PCDHGA10: variants seen among roughly 807,000 people sequenced by gnomAD.
PCDHGA10 encodes the protein protocadherin gamma subfamily A, 10, also known as protocadherin gamma-A10.
In PCDHGA10, 42 loss-of-function variants were observed where a neutral mutation model predicts 59.5. That is an observed-to-expected ratio of 0.71 (90% confidence interval 0.55 to 0.91). The LOEUF is 0.91. Among genes scored for constraint, PCDHGA10 ranks in the 40% least tolerant of loss-of-function variants. The pLI is 0.00. For missense variants in PCDHGA10, 1,111 were observed against 1,198.2 expected (o/e 0.93, Z 1.07); for synonymous variants, 511 against 517.2 (o/e 0.99, Z 0.16).
Position 141,432,548 on chromosome 5 carries a change from G to T in PCDHGA10, c.2436+16937G>T, listed in dbSNP as rs1251651638. On this transcript the variant is annotated intron_variant, in intron 1 of 3. Coordinates refer to ENST00000398610, the MANE Select transcript of PCDHGA10 (RefSeq NM_018913.3). The surrounding 1 kb of genome is among the most constrained non-coding windows in gnomAD (Gnocchi z 6.0). ...GACCAAGGTGGTGGCGGTGGACAGA[G>T]ACTCCGGCCAGAACGCCTGGCTGTC... 1.9e-6 allele frequency: 3 copies of T among 1,613,998 alleles called. No homozygotes were observed. The South Asian group carries it at 3.3e-5, about 18-fold the overall frequency.
intron 1 of PCDHGA10, chr5:141,422,019 G>C: frequency 6.2e-7 from 1 of 1,610,862 alleles, no homozygotes; most frequent in Non-Finnish European, 8.5e-7. Context: ...GGGTGCTGAT[G>C]GTTAATGCAA....
In PCDHGA10 at chr5:141,413,122, G is replaced by A; in HGVS notation, c.-54G>A. 6.6e-7 allele frequency: 1 copy of A among 1,525,890 alleles called. No homozygotes were observed. The allele number at this position is 1,525,890 out of a possible 1,614,324, so 94.5% of individuals were successfully genotyped here. A position where few individuals can be genotyped will look rare whatever the true frequency, so the allele number is the denominator to read the frequency against. On this transcript the variant is annotated 5_prime_UTR_variant, in exon 1 of 4. Transcript: ENST00000398610. ...CCACAGAAAGACAAAGGAACCGGTT[G>A]AAACACACAACGTGTCCAGTGAGGA...
Position 141,491,726 on chromosome 5 carries a change from C to A in PCDHGA10, c.2437-3081C>A, listed in dbSNP as rs1018940432. ...GTGAGGGGCTCGGCGCCGCCCCGGG[C>A]GACCCCTGGGGGCGGCACTGGAGAA... On this transcript the variant is annotated intron_variant, in intron 1 of 3. Coordinates refer to ENST00000398610, the MANE Select transcript of PCDHGA10 (RefSeq NM_018913.3). This position sits in a 1 kb window ranked among gnomAD's most constrained non-coding sequence, Gnocchi z 6.9. 2.2e-5 allele frequency: 36 copies of A among 1,605,766 alleles called. No individual in the cohort carries two copies. Among genetic ancestry groups the A allele is most frequent in the African/African-American group, 4.0e-5 (3 of 74,588 alleles).
chr5:141,483,779 A>G (rs1259583177), intron 1 of PCDHGA10, among the ~76,000 whole-genome samples: 2 of 152,146 alleles, frequency 1.3e-5, no homozygotes, highest in Non-Finnish European at 2.9e-5. Context: ...TTGGGGAAGG[A>G]TAAGAACTCC....
intron 1 of PCDHGA10, chr5:141,422,846 A>T: frequency 2.5e-6 from 4 of 1,614,102 alleles, no homozygotes; most frequent in Non-Finnish European, 3.4e-6. Flanking sequence ...GACAGCGGGG[A>T]CCCGCCCCTC....
At chr5:141,465,979 G>C (rs779605313) in intron 1 of PCDHGA10, among the ~76,000 whole-genome samples, 26 of 151,846 alleles carry the variant, frequency 1.7e-4, no homozygotes, top group Non-Finnish European at 3.8e-4. Flanking sequence ...AAAATTAGCC[G>C]GGCATGGTGG....
At chr5:141,418,669 C>T (rs2096278985) in intron 1 of PCDHGA10, 1 of 1,614,018 alleles carries the variant, frequency 6.2e-7, no homozygotes, top group Non-Finnish European at 8.5e-7. Flanking sequence ...CTGACCAGGA[C>T]GAGGGCATCA....
intron 1 of PCDHGA10, among the ~76,000 whole-genome samples, chr5:141,472,313 A>G (rs1411876003): frequency 6.7e-6 from 1 of 150,164 alleles, no homozygotes; most frequent in East Asian, 2.0e-4. Context: ...AAGCCGAGGC[A>G]GGCAGATCAC....
At position 141,486,761 on chromosome 5, in the gene PCDHGA10, A is replaced by G. The variant is rs1368106682; in HGVS notation, c.2437-8046A>G. 1 of 1,614,114 alleles carries G rather than the reference A, an allele frequency of 6.2e-7. No homozygotes were observed. The highest frequency in any genetic ancestry group is 8.5e-7 in the Non-Finnish European group (1 of 1,180,056). ...ATCCTTTGACTATGAGCAAACCCAG[A>G]CACTGCAGTTTGAGGTGCAGGCCCG... On this transcript the variant is annotated intron_variant, in intron 1 of 3. Transcript: ENST00000398610. The surrounding 1 kb of genome is among the most constrained non-coding windows in gnomAD (Gnocchi z 5.0).
In PCDHGA10 at chr5:141,511,224, G is replaced by T. The variant is rs752401867; in HGVS notation, c.*51G>T. On this transcript the variant is annotated 3_prime_UTR_variant, in exon 4 of 4. Coordinates refer to ENST00000398610, the MANE Select transcript of PCDHGA10 (RefSeq NM_018913.3). ...GGGCGGCCTCTCCCCAACCAGCCCA[G>T]CTTCTCCTTACCTGCACCCAGGCCT... is the stretch of plus-strand genomic sequence containing the variant. 44 of 1,603,158 alleles carry T rather than the reference G, an allele frequency of 2.7e-5. No individual in the cohort carries two copies. Among genetic ancestry groups the T allele is most frequent in the Non-Finnish European group, 3.6e-5 (42 of 1,174,924 alleles).
intron 3 of PCDHGA10, among the ~76,000 whole-genome samples, chr5:141,508,616 G>T (rs1007206932): frequency 6.6e-6 from 1 of 152,114 alleles, no homozygotes; most frequent in African/African-American, 2.4e-5. Flanking sequence ...ATAGGACGTG[G>T]GTGGGCCGAG....
intron 1 of PCDHGA10, chr5:141,430,745 T>C (rs377018529): frequency 1.3e-4 from 191 of 1,499,634 alleles, no homozygotes; most frequent in Non-Finnish European, 1.7e-4. Context: ...AAAATAATTC[T>C]GGAGGAAGAT....
chr5:141,478,045 T>A, intron 1 of PCDHGA10: 1 of 1,614,144 alleles, frequency 6.2e-7, no homozygotes, highest in Non-Finnish European at 8.5e-7. Context: ...CCAGGCAGAC[T>A]CTCACGGTCT....
chr5:141,421,799 A>G (rs778353620), intron 1 of PCDHGA10: 1 of 1,613,860 alleles, frequency 6.2e-7, no homozygotes, highest in South Asian at 1.1e-5. Flanking sequence ...GATGGGGCCA[A>G]GAATCCAGAG....
rs1308866536 is a variant in PCDHGA10 at position 141,464,896 on chromosome 5, GT to G, written c.2437-29910del. On this transcript the variant is annotated intron_variant, in intron 1 of 3. Coordinates refer to ENST00000398610, the MANE Select transcript of PCDHGA10 (RefSeq NM_018913.3). ...TAGGACTACAGATGGATGCCACCAT[GT>G]CCAGCTAATTTTTTTATTTTTTTGT... 2.0e-5 allele frequency among the ~76,000 whole-genome samples: 3 copies of G among 151,672 alleles called. No homozygotes were observed. The East Asian group carries it at 5.8e-4, about 30-fold the overall frequency.
intron 1 of PCDHGA10, chr5:141,423,780 T>C: frequency 8.0e-7 from 1 of 1,243,766 alleles, no homozygotes; most frequent in Non-Finnish European, 1.0e-6. Flanking sequence ...ATATATTTAG[T>C]TCATATATAT....
chr5:141,469,005 G>A (rs1011079995), intron 1 of PCDHGA10, among the ~76,000 whole-genome samples: 7 of 151,814 alleles, frequency 4.6e-5, no homozygotes, highest in South Asian at 2.1e-4. Context: ...TGCTGGGTGC[G>A]GTGGGTCACT....
At chr5:141,435,026 C>T (rs977017371) in intron 1 of PCDHGA10, among the ~76,000 whole-genome samples, 1 of 151,978 alleles carries the variant, frequency 6.6e-6, no homozygotes, top group Non-Finnish European at 1.5e-5. Flanking sequence ...GCTCTTTTCC[C>T]ACTTTTATTT....
At position 141,414,637 on chromosome 5, in the gene PCDHGA10, A is replaced by G; in HGVS notation, c.1462A>G (p.Asn488Asp). 9 of 1,613,894 alleles carry G rather than the reference A, an allele frequency of 5.6e-6. No homozygotes were observed. The highest frequency in any genetic ancestry group is 6.8e-6 in the Non-Finnish European group (8 of 1,179,856). Residue 488 changes from asparagine to aspartate, a missense_variant, in exon 1 of 4, where the codon AAT (asparagine) becomes GAT (aspartate). By Grantham distance (23) the Asn-to-Asp change is conservative. Transcript: ENST00000398610. ...AGCGCTGGACCCGGACAGCAAAGAG[A>G]ATGCCCAGATTATTTACTCCCTGGC... ...VTALDPDSKE[N>D]AQIIYSLAED...
Sources: gnomAD v4.1 joint callset for allele counts (sites outside exome capture counted in the v4.1 genomes callset) on GRCh38, gnomAD v4.1.1 for gene constraint, Gnocchi (gnomAD v3.1) non-coding constraint, MANE v1.5 for transcripts, NCBI Gene and HGNC (gene_info 2026-07-23, HGNC 2026-07-21) for gene names.